Variants in HCN1 observed in about 807,000 individuals in gnomAD.
HCN1 encodes hyperpolarization activated cyclic nucleotide gated potassium channel 1, also known as potassium/sodium hyperpolarization-activated cyclic nucleotide-gated channel 1.
HCN1 carries 13 observed loss-of-function variants against 78.9 expected under a neutral mutation model. The observed-to-expected ratio is 0.16, with a 90% CI of 0.11 to 0.26. HCN1 has a LOEUF of 0.26. HCN1 is among the 10% of genes least tolerant of loss of function. The probability of loss-of-function intolerance (pLI) is 1.00; values close to 1 mark genes in which losing one functional copy is unlikely to be tolerated. For synonymous variants in HCN1, 552 were observed against 455.5 expected (o/e 1.21, Z -2.70); for missense variants, 810 against 1,154.3 (o/e 0.70, Z 4.32).
intron 2 of HCN1, among the ~76,000 whole-genome samples, chr5:45,524,479 C>T: frequency 6.6e-6 from 1 of 152,156 alleles, no homozygotes; most frequent in Non-Finnish European, 1.5e-5. Flanking sequence ...GATATTGATT[C>T]TTCCTACCCA....
intron 2 of HCN1, among the ~76,000 whole-genome samples, chr5:45,498,800 C>T (rs564448384): frequency 4.4e-4 from 67 of 152,224 alleles, no homozygotes; most frequent in African/African-American, 1.4e-3. Context: ...TTCCTTCTAA[C>T]AGACAGGACC....
At chr5:45,322,191 C>A (rs1489528194) in intron 5 of HCN1, among the ~76,000 whole-genome samples, 1 of 151,788 alleles carries the variant, frequency 6.6e-6, no homozygotes, top group Admixed American at 6.6e-5. Flanking sequence ...AAAATGTAAA[C>A]ATGGAGCCTA....
chr5:45,300,427 T>A, intron 6 of HCN1, among the ~76,000 whole-genome samples: 1 of 152,062 alleles, frequency 6.6e-6, no homozygotes, highest in East Asian at 1.9e-4. Flanking sequence ...ATGATGAGGA[T>A]GAAGACCTTG....
intron 2 of HCN1, among the ~76,000 whole-genome samples, chr5:45,477,076 C>T (rs1290836626): frequency 6.6e-6 from 1 of 151,968 alleles, no homozygotes; most frequent in Non-Finnish European, 1.5e-5. Context: ...TTTCAAAATC[C>T]TAACACCTAG....
chr5:45,332,621 C>A (rs1157670244), intron 5 of HCN1, among the ~76,000 whole-genome samples: 1 of 151,326 alleles, frequency 6.6e-6, no homozygotes, highest in Non-Finnish European at 1.5e-5. Flanking sequence ...GCATCCCCAC[C>A]TCCCCATTAC....
At chr5:45,483,274 G>A (rs73101250) in intron 2 of HCN1, among the ~76,000 whole-genome samples, 88 of 152,116 alleles carry the variant, frequency 5.8e-4, no homozygotes, top group African/African-American at 1.9e-3. Context: ...AGCATCTTTT[G>A]TTTTCTGACT....
intron 5 of HCN1, among the ~76,000 whole-genome samples, chr5:45,332,312 G>T (rs997785780): frequency 1.3e-5 from 2 of 151,324 alleles, no homozygotes; most frequent in Non-Finnish European, 1.5e-5. Flanking sequence ...CATCCTCAAG[G>T]ATTTATCCTT....
At chr5:45,641,604 A>G (rs1260433104) in intron 2 of HCN1, 6 of 152,218 alleles carry the variant, frequency 3.9e-5, no homozygotes, top group Admixed American at 6.6e-5. Flanking sequence ...CATAGTTATT[A>G]TATAATGATG....
intron 5 of HCN1, among the ~76,000 whole-genome samples, chr5:45,316,185 TGCAGCA>T (rs1745987818): frequency 6.6e-6 from 1 of 152,152 alleles, no homozygotes; most frequent in South Asian, 2.1e-4. Context: ...GCAAACCGAA[TGCAGCA>T]GCACATCTAA....
At chr5:45,541,816 A>T (rs1241436603) in intron 2 of HCN1, among the ~76,000 whole-genome samples, 1 of 152,178 alleles carries the variant, frequency 6.6e-6, no homozygotes, top group Non-Finnish European at 1.5e-5. Flanking sequence ...AATTCATGAA[A>T]TGCAAATTCA....
chr5:45,479,242 G>A (rs1474135196), intron 2 of HCN1, among the ~76,000 whole-genome samples: 2 of 152,216 alleles, frequency 1.3e-5, no homozygotes, highest in South Asian at 2.1e-4. Context: ...ATCTGAAAAC[G>A]AGTGTGGAAA....
rs191257579 is a variant in HCN1, at chr5:45,431,816, A to G, written c.1011+30030T>C. ...ATGTACCTTTTTTTGTAGCGCCACC[A>G]TACTGTTTTGGTTACTGTAGGCTTG... is the stretch of plus-strand genomic sequence containing the variant. On this transcript the variant is annotated intron_variant, in intron 3 of 7. Coordinates refer to ENST00000303230, the MANE Select transcript of HCN1 (RefSeq NM_021072.4). Among the ~76,000 whole-genome samples, 509 of 152,238 alleles carry G rather than the reference A, an allele frequency of 3.3e-3. 1 individual carries two copies. The highest frequency in any genetic ancestry group is 0.013 in the Admixed American group (192 of 15,272).
intron 2 of HCN1, among the ~76,000 whole-genome samples, chr5:45,574,271 C>T (rs1743893282): frequency 6.6e-6 from 1 of 152,232 alleles, no homozygotes; most frequent in African/African-American, 2.4e-5. Context: ...ATAGTATGTG[C>T]TCACATGACA....
intron 2 of HCN1, among the ~76,000 whole-genome samples, chr5:45,501,717 G>A (rs965600056): frequency 3.9e-5 from 6 of 152,112 alleles, no homozygotes; most frequent in African/African-American, 1.4e-4. Context: ...TAGGATTACA[G>A]GCACGAGCCA....
At chr5:45,414,214 A>T (rs763912465) in intron 3 of HCN1, among the ~76,000 whole-genome samples, 2 of 151,984 alleles carry the variant, frequency 1.3e-5, no homozygotes, top group Admixed American at 1.3e-4. Flanking sequence ...CTATTGAGTG[A>T]ACTATCACAG....
chr5:45,427,222 T>C (rs1464114571), intron 3 of HCN1, among the ~76,000 whole-genome samples: 2 of 151,944 alleles, frequency 1.3e-5, no homozygotes, highest in Admixed American at 6.6e-5. Flanking sequence ...GTTTCTAAGA[T>C]ACCAAGATAC....
chr5:45,582,977 TTC>T (rs1350583362), intron 2 of HCN1, among the ~76,000 whole-genome samples: 6 of 80,576 alleles, frequency 7.4e-5, no homozygotes, highest in Non-Finnish European at 1.7e-4. Context: ...TGGTCTAAAA[TTC>T]TCTTTTTTTT....
At chr5:45,333,946 G>A (rs924737282) in intron 5 of HCN1, among the ~76,000 whole-genome samples, 8 of 151,668 alleles carry the variant, frequency 5.3e-5, no homozygotes, top group African/African-American at 1.5e-4. Flanking sequence ...TCTTAATTAC[G>A]TTAATGCATG....
At chr5:45,550,876 T>C (rs1258180321) in intron 2 of HCN1, among the ~76,000 whole-genome samples, 2 of 151,944 alleles carry the variant, frequency 1.3e-5, no homozygotes, top group African/African-American at 2.4e-5. Context: ...TATATTAAAG[T>C]TTTCTTTAAT....
Sources: allele counts gnomAD v4.1 joint callset (sites outside exome capture counted in the v4.1 genomes callset), GRCh38; gene constraint gnomAD v4.1.1; transcripts MANE v1.5; gene names NCBI Gene and HGNC (gene_info 2026-07-23, HGNC 2026-07-21).